CRACD: variants seen among roughly 807,000 people sequenced by gnomAD.
CRACD encodes the protein capping protein-inhibiting regulator of actin dynamics.
A neutral mutation model predicts 106.8 loss-of-function variants in CRACD; 56 were observed. The observed-to-expected ratio is 0.52, with a 90% CI of 0.42 to 0.66. The LOEUF (loss-of-function observed/expected upper bound fraction) is 0.66. Among genes scored for constraint, CRACD ranks in the 30% least tolerant of loss-of-function variants. The pLI is 0.00. For missense variants in CRACD, 1,730 were observed against 1,623.2 expected, an observed-to-expected ratio of 1.07 and a Z score of -1.13; for synonymous variants, 754 against 670.8, an observed-to-expected ratio of 1.12 and a Z score of -1.92.
At chr4:56,299,328 G>A (rs2109724689) in intron 4 of CRACD, among the ~76,000 whole-genome samples, 1 of 152,186 alleles carries the variant, frequency 6.6e-6, no homozygotes, top group East Asian at 1.9e-4. Context: ...AAGAGCAGAG[G>A]CACTTAGAGC....
intron 2 of CRACD, among the ~76,000 whole-genome samples, chr4:56,215,410 G>A (rs1042800924): frequency 5.3e-5 from 8 of 152,104 alleles, no homozygotes; most frequent in Admixed American, 2.0e-4. Flanking sequence ...TCCTAATACC[G>A]TCACCTTGGC....
intron 1 of CRACD, among the ~76,000 whole-genome samples, chr4:56,158,396 TAAA>T (rs112776932): frequency 1.3e-4 from 19 of 151,682 alleles, no homozygotes; most frequent in Admixed American, 3.9e-4. Flanking sequence ...TATTTTTTTT[TAAA>T]AATAATTCCT....
At chr4:56,310,798 C>CA in intron 6 of CRACD, 64 bp downstream of exon 6, 29 of 804,112 alleles carry the variant, frequency 3.6e-5, no homozygotes, top group Admixed American at 5.2e-5. Flanking sequence ...TTCCCCCCCC[C>CA]TTTTTTTTTT....
chr4:56,134,601 C>T (rs915649276), intron 1 of CRACD, among the ~76,000 whole-genome samples: 12 of 152,284 alleles, frequency 7.9e-5, no homozygotes, highest in Admixed American at 7.8e-4. Context: ...TTGTTTATAT[C>T]TCTTAAAGGG....
chr4:56,158,003 A>G (rs1309224701), intron 1 of CRACD, among the ~76,000 whole-genome samples: 1 of 152,140 alleles, frequency 6.6e-6, no homozygotes, highest in African/African-American at 2.4e-5. Context: ...ATTTCTACCA[A>G]TGTTTTGCTG....
chr4:56,322,488 T>C (rs751795281), intron 8 of CRACD, among the ~76,000 whole-genome samples: 2 of 152,196 alleles, frequency 1.3e-5, no homozygotes, highest in African/African-American at 2.4e-5. Flanking sequence ...AGAAGGCCTA[T>C]GTTCTAGCTT....
In CRACD at chr4:56,246,873, C is replaced by A. The variant is rs188903550; in HGVS notation, c.-188-25448C>A. Among the ~76,000 whole-genome samples, 29 of 152,304 alleles carry A rather than the reference C, an allele frequency of 1.9e-4. No homozygotes were observed. The East Asian group carries it at 5.2e-3, about 27-fold the overall frequency. On this transcript the variant is annotated intron_variant, in intron 2 of 10. Transcript: ENST00000682029. The stretch of plus-strand genomic sequence containing the variant: ...TTTTCTAAGACAGTGAATCCCCCAA[C>A]ATTGTTATTATTAGTAGTACTTAGG...
chr4:56,127,670 A>G (rs1306947261), intron 1 of CRACD, among the ~76,000 whole-genome samples: 1 of 152,128 alleles, frequency 6.6e-6, no homozygotes, highest in Non-Finnish European at 1.5e-5. Flanking sequence ...TATAGCACCT[A>G]TTTCCCTAGG....
At chr4:56,202,369 C>T (rs1737922248) in intron 2 of CRACD, among the ~76,000 whole-genome samples, 1 of 152,134 alleles carries the variant, frequency 6.6e-6, no homozygotes, top group Admixed American at 6.5e-5. Flanking sequence ...GCCTCGGCCT[C>T]CCAGGTAGCT....
chr4:56,106,554 G>A (rs1367785098), intron 1 of CRACD, among the ~76,000 whole-genome samples: 2 of 152,198 alleles, frequency 1.3e-5, no homozygotes, highest in Non-Finnish European at 1.5e-5. Flanking sequence ...ATCCCTTTCA[G>A]TGTTAGCTAT....
intron 2 of CRACD, among the ~76,000 whole-genome samples, chr4:56,252,535 A>G (rs1193968942): frequency 6.6e-6 from 1 of 152,228 alleles, no homozygotes; most frequent in Non-Finnish European, 1.5e-5. Flanking sequence ...GTAGGACTGC[A>G]GTAAATACTC....
chr4:56,050,180 G>A (rs977815222), intron 1 of CRACD, among the ~76,000 whole-genome samples: 8 of 151,928 alleles, frequency 5.3e-5, no homozygotes, highest in African/African-American at 1.7e-4. Flanking sequence ...AGGGGGAGGG[G>A]GAAGAAAACC....
rs147653531 is a variant in CRACD at position 56,299,031 on chromosome 4, G to A, written c.120+682G>A. Among the ~76,000 whole-genome samples the A allele has an allele frequency of 9.6e-4, 146 of 152,302 alleles. 2 individuals are homozygous for A. Among genetic ancestry groups the A allele is most frequent in the African/African-American group, 3.3e-3 (139 of 41,572 alleles). On this transcript the variant is annotated intron_variant, in intron 4 of 10. Transcript: ENST00000682029. The stretch of plus-strand genomic sequence containing the variant: ...CATAATCCCTGAATCAGGGCTGACT[G>A]TTGACTGAGCGTGTGCACAACACAT...
Position 56,307,564 on chromosome 4 carries a change from G to T in CRACD, c.150G>T (p.Gly50=), listed in dbSNP as rs916884697. ...QQQLGKNIKF[G]QRSPNAIPMN... ...AGTTGGGCAAGAATATCAAGTTTGGGCAGCGGTCACCCAATGCCATTCCCA... is the reference window on the plus strand; with the variant it reads ...AGTTGGGCAAGAATATCAAGTTTGGTCAGCGGTCACCCAATGCCATTCCCA... The change falls in exon 5 of 11, where the codon GGG becomes GGT. Residue 50 remains glycine (G), a synonymous_variant. Coordinates refer to ENST00000682029, the MANE Select transcript of CRACD (RefSeq NM_001393381.1). 2 of 1,614,022 alleles carry T rather than the reference G, an allele frequency of 1.2e-6. No homozygotes were observed. The highest frequency in any genetic ancestry group is 1.7e-6 in the Non-Finnish European group (2 of 1,180,042).
At chr4:56,065,084 T>A (rs1025733010) in intron 1 of CRACD, among the ~76,000 whole-genome samples, 11 of 151,568 alleles carry the variant, frequency 7.3e-5, no homozygotes, top group South Asian at 4.2e-4. Context: ...GAGTCTTTTT[T>A]AAATTTTTTT....
At chr4:56,211,801 CAG>C (rs1048879926) in intron 2 of CRACD, among the ~76,000 whole-genome samples, 17 of 152,154 alleles carry the variant, frequency 1.1e-4, no homozygotes, top group Non-Finnish European at 7.3e-5. Flanking sequence ...ATGTGTAAAA[CAG>C]GGGAAGGATG....
In CRACD at chr4:56,183,311, C is replaced by A. The variant is rs151235535; in HGVS notation, c.-189+3881C>A. ...AAAAAGAATTAGGGGATTTTGAAAG[C>A]CTTGAATATATTTTGGCTTTTCATT... On this transcript the variant is annotated intron_variant, in intron 2 of 10. Transcript: ENST00000682029. Among the ~76,000 whole-genome samples the A allele has an allele frequency of 3.7e-4, 48 of 128,772 alleles. 1 individual carries two copies. The highest frequency in any genetic ancestry group is 1.4e-3 in the African/African-American group (46 of 33,974). The allele number at this position is 128,772 out of a possible 152,430, so 84.5% of individuals were successfully genotyped here. A position where few individuals can be genotyped will look rare whatever the true frequency, so the allele number is the denominator to read the frequency against.
chr4:56,200,682 G>A (rs1025434298), intron 2 of CRACD, among the ~76,000 whole-genome samples: 2 of 152,094 alleles, frequency 1.3e-5, no homozygotes, highest in Non-Finnish European at 2.9e-5. Flanking sequence ...ATACACTGTA[G>A]TATTTTTTAA....
chr4:56,215,793 T>G (rs557112850), intron 2 of CRACD, among the ~76,000 whole-genome samples: 1 of 152,360 alleles, frequency 6.6e-6, no homozygotes, highest in South Asian at 2.1e-4. Flanking sequence ...GCATTATTGA[T>G]TAGTAACAGA....
Sources: gnomAD v4.1 joint callset for allele counts (sites outside exome capture counted in the v4.1 genomes callset) on GRCh38, gnomAD v4.1.1 for gene constraint, MANE v1.5 for transcripts, NCBI Gene and HGNC (gene_info 2026-07-23, HGNC 2026-07-21) for gene names.